The following ASAP3 variants were observed in gnomAD, a reference collection of about 807,000 sequenced individuals.
ASAP3 encodes arf-GAP with SH3 domain, ANK repeat and PH domain-containing protein 3.
In ASAP3, 85 loss-of-function variants were observed where a neutral mutation model predicts 118.2. The observed-to-expected ratio is 0.72, with a 90% CI of 0.60 to 0.86. The LOEUF (loss-of-function observed/expected upper bound fraction) is 0.86, where lower values mean the gene tolerates loss of function less well. ASAP3 is among the 40% of genes least tolerant of loss of function. The probability of loss-of-function intolerance (pLI) is 0.00; values close to 1 mark genes in which losing one functional copy is unlikely to be tolerated. For missense variants in ASAP3, 1,026 were observed against 1,175.0 expected (o/e 0.87, Z 1.85); for synonymous variants, 432 against 477.4 (o/e 0.90, Z 1.24).
chr1:23,446,624 GC>G (rs1000992349), intron 5 of ASAP3, among the ~76,000 whole-genome samples: 67 of 152,060 alleles, frequency 4.4e-4, no homozygotes, highest in African/African-American at 1.4e-3. Flanking sequence ...TTTTAGTAGA[GC>G]CGGGGTTTCA....
At position 23,442,181 on chromosome 1, in the gene ASAP3, C is replaced by G; in HGVS notation, c.671+5G>C. On this transcript the variant is annotated splice_donor_5th_base_variant and intron_variant, in intron 7 of 24. Transcript: ENST00000336689. ...TTAGTGGCAGGGACGCGGGAAGATA[C>G]CTACTTGTGCTGGGCGTGGAAGAAC... 1 of 1,593,884 alleles carries G rather than the reference C, an allele frequency of 6.3e-7. No individual in the cohort carries two copies. The highest frequency in any genetic ancestry group is 8.5e-7 in the Non-Finnish European group (1 of 1,171,096).
intron 1 of ASAP3, among the ~76,000 whole-genome samples, chr1:23,474,996 G>A (rs1369220463): frequency 6.6e-6 from 1 of 152,218 alleles, no homozygotes; most frequent in Non-Finnish European, 1.5e-5. Context: ...AATCCCACAA[G>A]CTGGCAAACT....
chr1:23,445,354 G>C (rs776336254), intron 5 of ASAP3, among the ~76,000 whole-genome samples: 1 of 152,176 alleles, frequency 6.6e-6, no homozygotes, highest in African/African-American at 2.4e-5. Context: ...ATCCAGGCAT[G>C]GTGGTGTGTG....
rs551022413 is a variant in ASAP3, at chr1:23,431,246, G to T, written c.2547-121C>A. The T allele has an allele frequency of 1.3e-3, 1,255 of 983,868 alleles. 3 individuals carry two copies. The highest frequency in any genetic ancestry group is 1.8e-3 in the Non-Finnish European group (1,193 of 658,514). The allele number at this position is 983,868 out of a possible 1,614,324, so 60.9% of individuals were successfully genotyped here. A position where few individuals can be genotyped will look rare whatever the true frequency, so the allele number is the denominator to read the frequency against. ...AGGATGGGTGGGTAGAGTCCACAAG[G>T]CCCCCAGGCCAGGTCCATCACAGGC... On this transcript the variant is annotated intron_variant, in intron 23 of 24. Transcript: ENST00000336689.
chr1:23,450,434 T>C (rs1570364335), intron 5 of ASAP3, among the ~76,000 whole-genome samples: 1 of 152,198 alleles, frequency 6.6e-6, no homozygotes, highest in Non-Finnish European at 1.5e-5. Flanking sequence ...CAAAACAGTA[T>C]GTTGTTATGA....
At chr1:23,466,944 C>A (rs183610448) in intron 1 of ASAP3, among the ~76,000 whole-genome samples, 99 of 151,904 alleles carry the variant, frequency 6.5e-4, no homozygotes, top group Non-Finnish European at 1.3e-3. Flanking sequence ...CTCAGTTCAC[C>A]GCAACCTCCG....
At chr1:23,457,462 G>A (rs1641426017) in intron 1 of ASAP3, among the ~76,000 whole-genome samples, 4 of 152,218 alleles carry the variant, frequency 2.6e-5, no homozygotes. Context: ...TGGAGGAAGG[G>A]GGGTCTAGTT....
chr1:23,455,397 A>G (rs1641349826), intron 3 of ASAP3, among the ~76,000 whole-genome samples: 1 of 152,212 alleles, frequency 6.6e-6, no homozygotes, highest in South Asian at 2.1e-4. Flanking sequence ...GGCCATGTAC[A>G]GGGGCTGAGA....
chr1:23,433,308 G>A, intron 21 of ASAP3, 36 bp from the exon 22 acceptor site: 1 of 1,605,344 alleles, frequency 6.2e-7, no homozygotes, highest in Non-Finnish European at 8.5e-7. Flanking sequence ...AGGACAGCCT[G>A]GTTCCTCCGG....
intron 1 of ASAP3, among the ~76,000 whole-genome samples, chr1:23,461,492 G>T (rs1641583916): frequency 6.6e-6 from 1 of 151,996 alleles, no homozygotes; most frequent in African/African-American, 2.4e-5. Flanking sequence ...CATAGTGAGA[G>T]TCTGTCTCTA....
At chr1:23,451,674 C>T (rs1641220202) in intron 4 of ASAP3, 146 bp from the exon 5 acceptor site, 1 of 865,842 alleles carries the variant, frequency 1.2e-6, no homozygotes, top group Non-Finnish European at 1.8e-6. Flanking sequence ...CCCCCACAGT[C>T]CTGCTGCAAA....
Position 23,431,207 on chromosome 1 carries a change from C to T in ASAP3, c.2547-82G>A, listed in dbSNP as rs1033580645. 14 of 1,423,414 alleles carry T rather than the reference C, an allele frequency of 9.8e-6. No homozygotes were observed. The African/African-American group carries it at 1.6e-4, about 16-fold the overall frequency. The allele number at this position is 1,423,414 out of a possible 1,614,324, so 88.2% of individuals were successfully genotyped here. ...GGGAGAAAGGGCTCAGGAACAGAGC[C>T]AGTCTGGGGGCTTAGGATGGGTGGG... On this transcript the variant is annotated intron_variant, in intron 23 of 24. Coordinates refer to ENST00000336689, the MANE Select transcript of ASAP3 (RefSeq NM_017707.4).
At position 23,437,143 on chromosome 1, in the gene ASAP3, G is replaced by A. The variant is rs775481841; in HGVS notation, c.1329C>T (p.Asp443=). 4 of 1,605,482 alleles carry A rather than the reference G, an allele frequency of 2.5e-6. No individual in the cohort carries two copies. Among genetic ancestry groups the A allele is most frequent in the Non-Finnish European group, 3.4e-6 (4 of 1,176,010 alleles). Residue 443 remains aspartate (D), a synonymous_variant, in exon 14 of 25, where the codon GAC becomes GAT. Transcript: ENST00000336689. This position sits in a 1 kb window ranked among gnomAD's most constrained non-coding sequence, Gnocchi z 6.1. ...KSRPGNSQCC[D]CGAADPTWLS... Reference sequence around the variant, plus strand: ...CCGGGGACCGACCTGCAGCCCCGCAGTCGCAGCACTGGCTATTCCCAGGCC... The same window carrying A: ...CCGGGGACCGACCTGCAGCCCCGCAATCGCAGCACTGGCTATTCCCAGGCC...
chr1:23,452,675 C>T, intron 4 of ASAP3, 22 bp downstream of exon 4: 3 of 1,611,854 alleles, frequency 1.9e-6, no homozygotes, highest in Non-Finnish European at 2.5e-6. Context: ...GTCCCACCAC[C>T]ACTCCCAGCA....
At chr1:23,471,619 C>A (rs1014904012) in intron 1 of ASAP3, among the ~76,000 whole-genome samples, 1 of 152,188 alleles carries the variant, frequency 6.6e-6, no homozygotes, top group Non-Finnish European at 1.5e-5. Context: ...TCCTAAAGTC[C>A]AAATTCTGGT....
Position 23,452,872 on chromosome 1 carries a change from G to A in ASAP3, c.349-101C>T, listed in dbSNP as rs540380915. The A allele has an allele frequency of 8.4e-5, 97 of 1,150,048 alleles. No homozygotes were observed. The East Asian group carries it at 2.3e-3, about 27-fold the overall frequency. The allele number at this position is 1,150,048 out of a possible 1,614,324, so 71.2% of individuals were successfully genotyped here. On this transcript the variant is annotated intron_variant, in intron 3 of 24. Transcript: ENST00000336689. ...GCATCACTTGGCAAAGAGAGCAGCG[G>A]GGAAGGGAAGTAGGGGAGAGGAAAA...
intron 1 of ASAP3, among the ~76,000 whole-genome samples, chr1:23,474,801 T>C (rs1642073952): frequency 6.6e-6 from 1 of 152,302 alleles, no homozygotes; most frequent in African/African-American, 2.4e-5. Flanking sequence ...CAGGCTGGTC[T>C]CAAACTCCTG....
At chr1:23,460,108 C>T (rs1202833825) in intron 1 of ASAP3, among the ~76,000 whole-genome samples, 1 of 152,160 alleles carries the variant, frequency 6.6e-6, no homozygotes, top group African/African-American at 2.4e-5. Context: ...ACATGTCAAT[C>T]CTACCTCAAT....
intron 3 of ASAP3, 89 bp downstream of exon 3, chr1:23,455,792 G>C: frequency 6.5e-7 from 1 of 1,536,242 alleles, no homozygotes; most frequent in Admixed American, 1.9e-5. Flanking sequence ...CAAATTGGGA[G>C]AAGGAAGGAA....
Sources: gnomAD v4.1 joint callset for allele counts (sites outside exome capture counted in the v4.1 genomes callset) on GRCh38, gnomAD v4.1.1 for gene constraint, Gnocchi (gnomAD v3.1) non-coding constraint, MANE v1.5 for transcripts, NCBI Gene and HGNC (gene_info 2026-07-23, HGNC 2026-07-21) for gene names.